The following HIP1 variants were observed in gnomAD, a reference collection of about 807,000 sequenced individuals.
The protein encoded by HIP1 is huntingtin interacting protein 1, also known as huntingtin-interacting protein 1.
HIP1 carries 65 observed loss-of-function variants against 147.6 expected under a neutral mutation model. That is an observed-to-expected ratio of 0.44 (90% CI 0.36 to 0.54). The LOEUF (loss-of-function observed/expected upper bound fraction) is 0.54. Ranked by LOEUF, HIP1 falls within the 20% of genes least tolerant of loss-of-function variation. The probability of loss-of-function intolerance (pLI) is 0.00; values close to 1 mark genes in which losing one functional copy is unlikely to be tolerated. For synonymous variants in HIP1, 479 were observed against 504.0 expected (o/e 0.95, Z 0.67); for missense variants, 1,061 against 1,299.6 (o/e 0.82, Z 2.82).
At chr7:75,687,085 A>C (rs1800287413) in intron 1 of HIP1, among the ~76,000 whole-genome samples, 3 of 152,202 alleles carry the variant, frequency 2.0e-5, no homozygotes, top group East Asian at 1.9e-4. Flanking sequence ...TCTGAAGTTC[A>C]TTAAGGAGAA....
At chr7:75,664,240 C>T (rs1029780705) in intron 1 of HIP1, among the ~76,000 whole-genome samples, 23 of 132,182 alleles carry the variant, frequency 1.7e-4, no homozygotes, top group Admixed American at 1.1e-3. Context: ...TGTATACATA[C>T]ACATACTATA....
intron 1 of HIP1, among the ~76,000 whole-genome samples, chr7:75,728,834 G>C (rs574932840): frequency 1.0e-4 from 15 of 147,176 alleles, no homozygotes; most frequent in African/African-American, 3.5e-4. Context: ...GACCAGGGAC[G>C]AGGGACCCTG....
intron 22 of HIP1, among the ~76,000 whole-genome samples, chr7:75,551,122 A>T (rs1466133788): frequency 1.3e-5 from 2 of 149,902 alleles, no homozygotes; most frequent in Non-Finnish European, 2.9e-5. Flanking sequence ...GTAGGACTCC[A>T]TTTACCTGTA....
intron 4 of HIP1, among the ~76,000 whole-genome samples, chr7:75,588,406 A>G (rs1026612241): frequency 8.5e-5 from 13 of 152,196 alleles, no homozygotes; most frequent in African/African-American, 3.1e-4. Flanking sequence ...TACAAAACAT[A>G]TATGAGATGA....
At chr7:75,718,435 AGGCT>A (rs1801388421) in intron 1 of HIP1, among the ~76,000 whole-genome samples, 1 of 152,132 alleles carries the variant, frequency 6.6e-6, no homozygotes, top group Non-Finnish European at 1.5e-5. Context: ...AAGGAGAAAA[AGGCT>A]GAGAGAATGC....
chr7:75,612,455 G>A (rs1406771152), intron 1 of HIP1, among the ~76,000 whole-genome samples: 2 of 151,988 alleles, frequency 1.3e-5, no homozygotes, highest in Non-Finnish European at 2.9e-5. Context: ...GTTGCAGTGA[G>A]CCGAATTCGC....
chr7:75,560,196 C>T (rs1158548456), intron 13 of HIP1, among the ~76,000 whole-genome samples: 3 of 151,324 alleles, frequency 2.0e-5, no homozygotes, highest in Non-Finnish European at 4.4e-5. Context: ...CTGTGAGGGG[C>T]GGTTGTTAAT....
At chr7:75,730,409 A>G (rs111303154) in intron 1 of HIP1, among the ~76,000 whole-genome samples, 7,675 of 148,500 alleles carry the variant, frequency 0.052, 211 homozygotes, top group Middle Eastern at 0.069. Flanking sequence ...GCGCGATCTC[A>G]GCTCACTGCA....
At chr7:75,616,844 G>A (rs587762754) in intron 1 of HIP1, among the ~76,000 whole-genome samples, 1 of 152,274 alleles carries the variant, frequency 6.6e-6, no homozygotes, top group South Asian at 2.1e-4. Context: ...TACCAGGGAG[G>A]TATATGTCAG....
intron 2 of HIP1, 30 bp downstream of exon 2, chr7:75,599,154 C>G (rs782386614): frequency 1.3e-6 from 2 of 1,569,524 alleles, no homozygotes; most frequent in Non-Finnish European, 1.8e-6. Context: ...CCCTCAGGGT[C>G]GGTCTTCCAA....
At chr7:75,551,896 T>A (rs1794799021) in intron 22 of HIP1, among the ~76,000 whole-genome samples, 1 of 152,152 alleles carries the variant, frequency 6.6e-6, no homozygotes. Flanking sequence ...TTTTATTTTT[T>A]ATTTATTTTT....
Position 75,568,081 on chromosome 7 carries a change from G to A in HIP1, c.803+118C>T, listed in dbSNP as rs1235060137. The A allele has an allele frequency of 5.3e-6, 4 of 759,908 alleles. No homozygotes were observed. The highest frequency in any genetic ancestry group is 2.9e-5 in the South Asian group (2 of 68,336). The allele number at this position is 759,908 out of a possible 1,614,324, so 47.1% of individuals were successfully genotyped here. A position where few individuals can be genotyped will look rare whatever the true frequency, so the allele number is the denominator to read the frequency against. ...TCCTCCCGCCTCAGCCTCCCAAAGA[G>A]TTGGGGTTACAGGCATGAACCACTG... On this transcript the variant is annotated intron_variant, in intron 9 of 30. Transcript: ENST00000336926. This position sits in a 1 kb window ranked among gnomAD's most constrained non-coding sequence, Gnocchi z 4.1.
Position 75,557,019 on chromosome 7 carries a change from ATTATTTAT to A in HIP1, c.1582-216_1582-209del, listed in dbSNP as rs3041772. ...GTGGAATGTCAAGGAAGGATTTTTT[ATTATTTAT>A]TTATTTATTTATTTATTTATTTATT... On this transcript the variant is annotated intron_variant, in intron 16 of 30. Coordinates refer to ENST00000336926, the MANE Select transcript of HIP1 (RefSeq NM_005338.7). Among the ~76,000 whole-genome samples the A allele has an allele frequency of 1.0e-3, 145 of 145,442 alleles. 1 individual carries two copies. The highest frequency in any genetic ancestry group is 3.0e-3 in the African/African-American group (117 of 39,418).
chr7:75,699,004 G>A (rs1254014690), intron 1 of HIP1, among the ~76,000 whole-genome samples: 11 of 152,060 alleles, frequency 7.2e-5, no homozygotes, highest in Non-Finnish European at 1.3e-4. Flanking sequence ...TGGAAGGGAC[G>A]CCTTTCACTT....
intron 1 of HIP1, among the ~76,000 whole-genome samples, chr7:75,689,621 A>G (rs1490977654): frequency 6.6e-6 from 1 of 152,214 alleles, no homozygotes; most frequent in Non-Finnish European, 1.5e-5. Context: ...ATAAATAAAA[A>G]TGTTGGCTGT....
chr7:75,707,669 T>C (rs1300429200), intron 1 of HIP1, among the ~76,000 whole-genome samples: 1 of 149,992 alleles, frequency 6.7e-6, no homozygotes, highest in Non-Finnish European at 1.5e-5. Flanking sequence ...AGAACAAAGC[T>C]GGAGGCATCA....
At chr7:75,559,009 A>T (rs1460009599) in intron 14 of HIP1, among the ~76,000 whole-genome samples, 1 of 151,974 alleles carries the variant, frequency 6.6e-6, no homozygotes, top group Non-Finnish European at 1.5e-5. Context: ...ACAGAGTGAG[A>T]CTCCACCTCA....
At chr7:75,717,926 C>T (rs1341538276) in intron 1 of HIP1, among the ~76,000 whole-genome samples, 8 of 151,076 alleles carry the variant, frequency 5.3e-5, no homozygotes, top group Non-Finnish European at 1.0e-4. Flanking sequence ...GCTGAGATCA[C>T]GCCACTGCAT....
intron 1 of HIP1, among the ~76,000 whole-genome samples, chr7:75,622,524 A>G (rs1797877205): frequency 6.6e-6 from 1 of 151,098 alleles, no homozygotes; most frequent in Admixed American, 6.6e-5. Context: ...AACACAGTGA[A>G]ACCCCGTCTC....
Sources: gnomAD v4.1 joint callset for allele counts (sites outside exome capture counted in the v4.1 genomes callset) on GRCh38, gnomAD v4.1.1 for gene constraint, Gnocchi (gnomAD v3.1) non-coding constraint, MANE v1.5 for transcripts, NCBI Gene and HGNC (gene_info 2026-07-23, HGNC 2026-07-21) for gene names.